Variants in DDX60L observed in about 807,000 individuals in gnomAD.
The protein encoded by DDX60L is DExD/H-box 60 like, also known as probable ATP-dependent RNA helicase DDX60-like.
In DDX60L, 191 loss-of-function variants were observed where a neutral mutation model predicts 211.6. The ratio of observed to expected loss-of-function variants is 0.90; its 90% CI spans 0.80 to 1.02. DDX60L has a LOEUF of 1.02. Ranked by LOEUF, DDX60L falls within the 50% of genes least tolerant of loss-of-function variation. DDX60L has a pLI of 0.00. For missense variants in DDX60L, 2,007 were observed against 1,984.1 expected (o/e 1.01, Z -0.22); for synonymous variants, 706 against 694.1 (o/e 1.02, Z -0.27).
In DDX60L at chr4:168,358,205, G is replaced by C. The variant is rs768663569; in HGVS notation, c.5063C>G (p.Thr1688Ser). The C allele has an allele frequency of 1.2e-5, 19 of 1,605,218 alleles. No individual in the cohort carries two copies. In the South Asian group the frequency reaches 2.0e-4, roughly 17 times the overall value. The change falls in exon 38 of 38, where the codon ACC becomes AGC. Residue 1688 changes from threonine to serine, a missense_variant. By Grantham distance (58) the Thr-to-Ser change is moderately conservative. Coordinates refer to ENST00000682922, the MANE Select transcript of DDX60L (RefSeq NM_001012967.3). Reference sequence around the variant, plus strand: ...CATTTCTTGAAGTTTCTCATAAAAGGTTTGACTCAATTGTTTAAATGCCAG... The same window carrying C: ...CATTTCTTGAAGTTTCTCATAAAAGCTTTGACTCAATTGTTTAAATGCCAG... ...VVLAFKQLSQTFYEKLQEMQI... is the reference protein window; with the variant it reads ...VVLAFKQLSQSFYEKLQEMQI...
chr4:168,394,475 C>T lies in DDX60L; in HGVS notation c.3800G>A (p.Gly1267Glu). The T allele has an allele frequency of 6.2e-7, 1 of 1,602,512 alleles. No individual in the cohort carries two copies. The highest frequency in any genetic ancestry group is 8.5e-7 in the Non-Finnish European group (1 of 1,176,124). The change falls in exon 28 of 38, where the codon GGG becomes GAG. Residue 1267 changes from glycine (G) to glutamate (E), a missense_variant. By Grantham distance (98) the Gly-to-Glu change is moderately conservative. Coordinates refer to ENST00000682922, the MANE Select transcript of DDX60L (RefSeq NM_001012967.3). ...AAGAAATTTACCTACCCTAATAAGC[C>T]CTTTTACAAAGAGTATCTCAACAAA... ...KEFVEILFVKGLIRVVTATET... is the reference protein window; with the variant it reads ...KEFVEILFVKELIRVVTATET...
chr4:168,433,014 T>C lies in DDX60L; in HGVS notation c.1396A>G (p.Lys466Glu). The part of the protein sequence containing the change: ...GDMMKDLPIL[K>E]SDDPVVPSLF... ...GGTACTTCATTAACTCTGTACCTCT[T>C]TAGAATAGGCAAATCCTTCATCATA... Residue 466 changes from lysine (K) to glutamate (E), a missense_variant, in exon 11 of 38, where the codon AAG becomes GAG. Transcript: ENST00000682922. The C allele has an allele frequency of 6.2e-7, 1 of 1,602,958 alleles. No homozygotes were observed. The highest frequency in any genetic ancestry group is 8.5e-7 in the Non-Finnish European group (1 of 1,173,222).
intron 4 of DDX60L, chr4:168,470,397 G>C (rs1026132666): frequency 6.6e-6 from 1 of 152,162 alleles, no homozygotes; most frequent in African/African-American, 2.4e-5. Flanking sequence ...TGCTCAACAG[G>C]AAAGTGTCCA....
At chr4:168,364,189 C>T (rs373811629) in intron 36 of DDX60L, among the ~76,000 whole-genome samples, 1 of 151,946 alleles carries the variant, frequency 6.6e-6, no homozygotes, top group African/African-American at 2.4e-5. Context: ...TAAAGACAAG[C>T]ATAGAATGAA....
chr4:168,455,075 T>C (rs560445449), intron 7 of DDX60L, among the ~76,000 whole-genome samples: 1 of 152,204 alleles, frequency 6.6e-6, no homozygotes, highest in East Asian at 1.9e-4. Context: ...ACAAAGTAAA[T>C]ATTTTATGAA....
chr4:168,432,373 T>C, intron 12 of DDX60L, 82 bp downstream of exon 12: 1 of 495,382 alleles, frequency 2.0e-6, no homozygotes, highest in Non-Finnish European at 3.3e-6. Flanking sequence ...GTGTTTACAA[T>C]GTAATATCTT....
At chr4:168,381,800 C>T (rs917509689) in intron 30 of DDX60L, among the ~76,000 whole-genome samples, 2 of 152,042 alleles carry the variant, frequency 1.3e-5, no homozygotes, top group African/African-American at 4.8e-5. Context: ...AAAATTTATG[C>T]CAGGTTAAAT....
At chr4:168,448,223 T>G (rs1579721268) in intron 9 of DDX60L, among the ~76,000 whole-genome samples, 1 of 152,174 alleles carries the variant, frequency 6.6e-6, no homozygotes. Flanking sequence ...TCTCTGACTA[T>G]GTAAGCCACT....
chr4:168,435,480 T>C (rs1265128962), intron 10 of DDX60L, among the ~76,000 whole-genome samples: 1 of 152,192 alleles, frequency 6.6e-6, no homozygotes. Flanking sequence ...ATTCTGGAAA[T>C]TGCCAGTAGA....
chr4:168,411,201 A>G (rs1748620745), intron 22 of DDX60L, among the ~76,000 whole-genome samples: 1 of 152,214 alleles, frequency 6.6e-6, no homozygotes. Flanking sequence ...ATCAGCCCCT[A>G]CAGGAACTCC....
chr4:168,474,625 C>G lies in DDX60L; in HGVS notation c.-110-1816G>C, dbSNP rs371937671. Among the ~76,000 whole-genome samples the G allele has an allele frequency of 3.3e-5, 5 of 151,918 alleles. No homozygotes were observed. In the East Asian group the frequency reaches 9.7e-4, roughly 29 times the overall value. On this transcript the variant is annotated intron_variant, in intron 1 of 37. Coordinates refer to ENST00000682922, the MANE Select transcript of DDX60L (RefSeq NM_001012967.3). ...AGAAAGCACTCTTGAAAATTCAAAG[C>G]AAGATTGCAGATATAAAATAAATTA...
At chr4:168,455,592 A>C (rs1756450751) in intron 7 of DDX60L, among the ~76,000 whole-genome samples, 1 of 152,096 alleles carries the variant, frequency 6.6e-6, no homozygotes, top group African/African-American at 2.4e-5. Flanking sequence ...GACAGGAGAG[A>C]GTGATAATTG....
chr4:168,465,406 A>G (rs572974057), intron 4 of DDX60L, among the ~76,000 whole-genome samples: 155 of 152,190 alleles, frequency 1.0e-3, no homozygotes, highest in African/African-American at 3.7e-3. Flanking sequence ...AATTCCTTGT[A>G]GGATAAATAC....
intron 24 of DDX60L, among the ~76,000 whole-genome samples, chr4:168,405,475 C>T (rs1395786838): frequency 6.6e-6 from 1 of 152,154 alleles, no homozygotes; most frequent in African/African-American, 2.4e-5. Flanking sequence ...TTTGCCTGAG[C>T]CTCTTTCAGG....
rs532337034 is a variant in DDX60L at position 168,419,383 on chromosome 4, C to G, written c.2529G>C (p.Val843=). The G allele has an allele frequency of 5.0e-5, 79 of 1,587,282 alleles. No individual in the cohort carries two copies. In the South Asian group the frequency reaches 9.1e-4, roughly 18 times the overall value. The part of the protein sequence containing the change: ...NVLNCQVLIT[V]PECFEILLLA... Reference sequence around the variant, plus strand: ...GCAACAGGATTTCAAAACATTCCGGCACTGTAATAAGTACCTACAAATATG... The same window carrying G: ...GCAACAGGATTTCAAAACATTCCGGGACTGTAATAAGTACCTACAAATATG... Residue 843 remains valine, a synonymous_variant, in exon 19 of 38, where the codon GTG becomes GTC. Coordinates refer to ENST00000682922, the MANE Select transcript of DDX60L (RefSeq NM_001012967.3).
At chr4:168,472,356 A>T in intron 3 of DDX60L, 99 bp downstream of exon 3, 1 of 865,414 alleles carries the variant, frequency 1.2e-6, no homozygotes, top group Admixed American at 2.7e-5. Flanking sequence ...CAAGATAAAT[A>T]GGTTGAGTGA....
At chr4:168,479,909 G>A (rs895571907) in intron 1 of DDX60L, among the ~76,000 whole-genome samples, 39 of 150,192 alleles carry the variant, frequency 2.6e-4, no homozygotes, top group Non-Finnish European at 7.4e-5. Context: ...GCGTGAACCC[G>A]GAAGGTGGAG....
chr4:168,360,535 C>T (rs1237809375), intron 37 of DDX60L, among the ~76,000 whole-genome samples: 3 of 152,136 alleles, frequency 2.0e-5, no homozygotes, highest in Admixed American at 6.5e-5. Context: ...ACTGAATTTA[C>T]GTGAAAAACC....
Position 168,471,855 on chromosome 4 carries a change from A to C in DDX60L, c.156T>G (p.Gly52=). 1 of 1,613,744 alleles carries C rather than the reference A, an allele frequency of 6.2e-7. No homozygotes were observed. The highest frequency in any genetic ancestry group is 8.5e-7 in the Non-Finnish European group (1 of 1,179,868). The change falls in exon 4 of 38, where the codon GGT becomes GGG. Residue 52 remains glycine (G), a synonymous_variant. Transcript: ENST00000682922. ...TCTGTCCCCACTTGAATGATTTTAC[A>C]CCCAGGCATGTGACAAGCAAGGAAT... ...DGDSLLVTCL[G]VKSFKWGQNL...
Sources: allele counts gnomAD v4.1 joint callset (sites outside exome capture counted in the v4.1 genomes callset), GRCh38; gene constraint gnomAD v4.1.1; transcripts MANE v1.5; gene names NCBI Gene and HGNC (gene_info 2026-07-23, HGNC 2026-07-21).